Variants in PTPRT observed in about 807,000 individuals in gnomAD.
The protein encoded by PTPRT is protein tyrosine phosphatase receptor type T, also known as receptor-type tyrosine-protein phosphatase T.
PTPRT carries 56 observed loss-of-function variants against 176.8 expected under a neutral mutation model. The observed-to-expected ratio is 0.32, with a 90% CI of 0.26 to 0.40. The LOEUF (loss-of-function observed/expected upper bound fraction) is 0.40, where lower values mean the gene tolerates loss of function less well. Ranked by LOEUF, PTPRT falls within the 10% of genes least tolerant of loss-of-function variation. The pLI is 1.00. For missense variants in PTPRT, 1,540 were observed against 1,908.2 expected, an observed-to-expected ratio of 0.81 and a Z score of 3.60; for synonymous variants, 783 against 739.0, an observed-to-expected ratio of 1.06 and a Z score of -0.96.
chr20:42,320,576 T>C (rs960280980), intron 11 of PTPRT, among the ~76,000 whole-genome samples: 23 of 152,178 alleles, frequency 1.5e-4, no homozygotes, highest in African/African-American at 5.3e-4. Flanking sequence ...GTTCAGGTTC[T>C]TCCAGAAACA....
At chr20:42,388,034 C>A (rs1044054572) in intron 9 of PTPRT, among the ~76,000 whole-genome samples, 3 of 152,154 alleles carry the variant, frequency 2.0e-5, no homozygotes, top group African/African-American at 7.2e-5. Flanking sequence ...TCGTGATCCC[C>A]CACCTTGGCC....
chr20:43,152,155 C>T (rs755013658), intron 1 of PTPRT, among the ~76,000 whole-genome samples: 2 of 151,968 alleles, frequency 1.3e-5, no homozygotes, highest in Non-Finnish European at 2.9e-5. Context: ...TCAAGTTGAA[C>T]CACAGGCTCA....
intron 1 of PTPRT, among the ~76,000 whole-genome samples, chr20:42,901,066 T>C (rs2079396099): frequency 6.6e-6 from 1 of 152,220 alleles, no homozygotes; most frequent in African/African-American, 2.4e-5. Context: ...CTGTAGATCA[T>C]GCACTTGCCC....
chr20:42,334,340 T>G (rs926398123), intron 11 of PTPRT, among the ~76,000 whole-genome samples: 1 of 152,108 alleles, frequency 6.6e-6, no homozygotes, highest in Admixed American at 6.5e-5. Flanking sequence ...TTGCCAGATA[T>G]CTCTTAAGGG....
intron 3 of PTPRT, among the ~76,000 whole-genome samples, chr20:42,782,221 G>T (rs1476446430): frequency 6.6e-6 from 1 of 152,030 alleles, no homozygotes; most frequent in Non-Finnish European, 1.5e-5. Flanking sequence ...GAGGTCTGTA[G>T]GCATTCCTCC....
At chr20:43,041,399 C>G (rs1986599554) in intron 1 of PTPRT, among the ~76,000 whole-genome samples, 1 of 152,162 alleles carries the variant, frequency 6.6e-6, no homozygotes, top group Non-Finnish European at 1.5e-5. Context: ...ATGAAGGTGA[C>G]AACAGAGCAG....
At chr20:42,210,877 A>C (rs1233354684) in intron 15 of PTPRT, among the ~76,000 whole-genome samples, 4 of 152,070 alleles carry the variant, frequency 2.6e-5, no homozygotes, top group African/African-American at 9.7e-5. Context: ...GAGGCATCAC[A>C]CTACCTGACT....
At chr20:42,757,179 G>A (rs2076847334) in intron 5 of PTPRT, among the ~76,000 whole-genome samples, 1 of 152,102 alleles carries the variant, frequency 6.6e-6, no homozygotes, top group African/African-American at 2.4e-5. Context: ...AAGAAGAGAG[G>A]AAAAAGGCTC....
At chr20:42,835,977 A>T (rs957910702) in intron 2 of PTPRT, among the ~76,000 whole-genome samples, 1 of 152,114 alleles carries the variant, frequency 6.6e-6, no homozygotes, top group African/African-American at 2.4e-5. Flanking sequence ...GAAGGAGACT[A>T]GCTCAGTGCC....
At position 43,012,765 on chromosome 20, in the gene PTPRT, G is replaced by A. The variant is rs73907444; in HGVS notation, c.89-126833C>T. Among the ~76,000 whole-genome samples, 444 of 152,136 alleles carry A rather than the reference G, an allele frequency of 2.9e-3. 5 individuals carry two copies. Among genetic ancestry groups the A allele is most frequent in the African/African-American group, 0.01 (426 of 41,510 alleles). ...TCCTTGGCAGCCCACAGGAGCCACCGGGAGGTTATTCCCCCACAGACTAAT... is the reference window on the plus strand; with the variant it reads ...TCCTTGGCAGCCCACAGGAGCCACCAGGAGGTTATTCCCCCACAGACTAAT... On this transcript the variant is annotated intron_variant, in intron 1 of 30. Transcript: ENST00000373187.
intron 2 of PTPRT, among the ~76,000 whole-genome samples, chr20:42,805,165 A>G (rs1222302821): frequency 6.6e-6 from 1 of 152,170 alleles, no homozygotes; most frequent in Non-Finnish European, 1.5e-5. Context: ...TGGGGAAACA[A>G]ACAGAAAAGT....
intron 1 of PTPRT, among the ~76,000 whole-genome samples, chr20:43,020,754 T>TA (rs1249832670): frequency 6.6e-6 from 1 of 152,214 alleles, no homozygotes; most frequent in African/African-American, 2.4e-5. Flanking sequence ...CCCCATGACA[T>TA]ATTCTGAAGC....
intron 9 of PTPRT, among the ~76,000 whole-genome samples, chr20:42,371,586 T>C (rs947350730): frequency 6.6e-6 from 1 of 152,236 alleles, no homozygotes; most frequent in Non-Finnish European, 1.5e-5. Flanking sequence ...CCTTAGCACC[T>C]AAAACAAAGA....
At chr20:42,039,342 C>CA in the PTPRT span, among the ~76,000 whole-genome samples, 2 of 151,752 alleles carry the variant, frequency 1.3e-5, no homozygotes, top group African/African-American at 4.8e-5. Flanking sequence ...CTATTTTTGG[C>CA]AAAAAACCCA....
chr20:42,660,778 C>G (rs547078303), intron 7 of PTPRT, among the ~76,000 whole-genome samples: 16 of 152,264 alleles, frequency 1.1e-4, no homozygotes, highest in African/African-American at 3.8e-4. Flanking sequence ...AAGTAATAAA[C>G]AAATACACAC....
At chr20:43,078,129 C>T (rs549409752) in intron 1 of PTPRT, among the ~76,000 whole-genome samples, 1 of 152,344 alleles carries the variant, frequency 6.6e-6, no homozygotes, top group Admixed American at 6.5e-5. Context: ...GAAACTGTGT[C>T]TATTGCTCAG....
At chr20:42,137,314 T>C (rs1568962052) in intron 18 of PTPRT, among the ~76,000 whole-genome samples, 1 of 152,146 alleles carries the variant, frequency 6.6e-6, no homozygotes, top group Non-Finnish European at 1.5e-5. Flanking sequence ...AGAAACCTGC[T>C]GTGAAAAAAG....
intron 9 of PTPRT, among the ~76,000 whole-genome samples, chr20:42,428,008 T>C (rs2145791831): frequency 6.6e-6 from 1 of 152,338 alleles, no homozygotes; most frequent in East Asian, 1.9e-4. Flanking sequence ...GACTCTCTTT[T>C]GGGACTCAGC....
intron 1 of PTPRT, among the ~76,000 whole-genome samples, chr20:43,154,452 T>C (rs1382423324): frequency 4.6e-5 from 7 of 152,264 alleles, no homozygotes. Flanking sequence ...TCAGGTAGTG[T>C]GATGCCTCCA....
Sources: gnomAD v4.1 joint callset for allele counts (sites outside exome capture counted in the v4.1 genomes callset) on GRCh38, gnomAD v4.1.1 for gene constraint, MANE v1.5 for transcripts, NCBI Gene and HGNC (gene_info 2026-07-23, HGNC 2026-07-21) for gene names.